HPSE2: variants seen among roughly 807,000 people sequenced by gnomAD.
HPSE2 encodes inactive heparanase-2.
Under a neutral mutation model 60.5 loss-of-function variants are expected in HPSE2, and 38 were observed. That is an observed-to-expected ratio of 0.63 (90% CI 0.48 to 0.82). The LOEUF (loss-of-function observed/expected upper bound fraction) is 0.82. Among genes scored for constraint, HPSE2 ranks in the 40% least tolerant of loss-of-function variants. HPSE2 has a pLI of 0.00. For synonymous variants in HPSE2, 295 were observed against 293.2 expected, an observed-to-expected ratio of 1.01 and a Z score of -0.06; for missense variants, 713 against 740.4, an observed-to-expected ratio of 0.96 and a Z score of 0.43.
At chr10:99,014,556 T>C (rs1957092045) in intron 3 of HPSE2, among the ~76,000 whole-genome samples, 1 of 152,156 alleles carries the variant, frequency 6.6e-6, no homozygotes, top group African/African-American at 2.4e-5. Context: ...GGTTGAACTA[T>C]TTACACCCCC....
intron 6 of HPSE2, among the ~76,000 whole-genome samples, chr10:98,663,633 G>A (rs1358783259): frequency 6.6e-6 from 1 of 152,174 alleles, no homozygotes; most frequent in East Asian, 1.9e-4. Flanking sequence ...GAAAGAATGA[G>A]AACGTAACAA....
At chr10:98,768,699 T>C (rs980459233) in intron 3 of HPSE2, among the ~76,000 whole-genome samples, 8 of 152,200 alleles carry the variant, frequency 5.3e-5, no homozygotes, top group Admixed American at 4.6e-4. Context: ...TCTGTTCCCT[T>C]GGACAAATCA....
At position 99,232,414 on chromosome 10, in the gene HPSE2, G is replaced by C; in HGVS notation, c.382C>G (p.Leu128Val). Reference sequence around the variant, plus strand: ...CCGCGGCTTTTCGCCGGGTTCCTCAGGTTCTGGAACTGCAGGAAGTCGGTC... The same window carrying C: ...CCGCGGCTTTTCGCCGGGTTCCTCACGTTCTGGAACTGCAGGAAGTCGGTC... ...KRTDFLQFQNLRNPAKSRGGP... is the reference protein window; with the variant it reads ...KRTDFLQFQNVRNPAKSRGGP... The change falls in exon 2 of 12, where the codon CTG becomes GTG. Residue 128 changes from leucine to valine, a missense_variant. Physicochemically the swap from Leu to Val is conservative, Grantham distance 32 (BLOSUM62 1). Transcript: ENST00000370552. 1 of 1,553,202 alleles carries C rather than the reference G, an allele frequency of 6.4e-7. No homozygotes were observed. The highest frequency in any genetic ancestry group is 8.7e-7 in the Non-Finnish European group (1 of 1,147,874).
At chr10:99,087,586 C>T (rs1843365719) in intron 3 of HPSE2, among the ~76,000 whole-genome samples, 1 of 152,130 alleles carries the variant, frequency 6.6e-6, no homozygotes, top group Admixed American at 6.6e-5. Context: ...ATGAAGGCTG[C>T]GATCAAGTGA....
rs138172193 is a variant in HPSE2, at chr10:98,835,876, T to C, written c.611-91820A>G. Among the ~76,000 whole-genome samples, 459 of 152,282 alleles carry C rather than the reference T, an allele frequency of 3.0e-3. 2 individuals carry two copies. The highest frequency in any genetic ancestry group is 9.8e-3 in the African/African-American group (406 of 41,564). On this transcript the variant is annotated intron_variant, in intron 3 of 11. Coordinates refer to ENST00000370552, the MANE Select transcript of HPSE2 (RefSeq NM_021828.5). ...TAAAATTTATGGGAGGCCATTGTTT[T>C]GGACTGAGCTCCTGCACTAGACCCC...
chr10:98,859,778 CAT>C (rs1362655372), intron 3 of HPSE2, among the ~76,000 whole-genome samples: 2 of 152,168 alleles, frequency 1.3e-5, no homozygotes, highest in Non-Finnish European at 2.9e-5. Context: ...TCCATAATCA[CAT>C]GAGTCAATTC....
chr10:99,200,998 G>A (rs1431519316), intron 2 of HPSE2, among the ~76,000 whole-genome samples: 3 of 152,192 alleles, frequency 2.0e-5, no homozygotes, highest in South Asian at 4.1e-4. Context: ...CAGGCAAAAA[G>A]AATAAATAGG....
At chr10:98,576,690 CCAGCA>C in intron 9 of HPSE2, among the ~76,000 whole-genome samples, 1 of 152,072 alleles carries the variant, frequency 6.6e-6, no homozygotes, top group East Asian at 1.9e-4. Flanking sequence ...CTAAACTTCT[CCAGCA>C]CACCCTTTGC....
chr10:99,153,045 G>A (rs190295656), intron 2 of HPSE2, among the ~76,000 whole-genome samples: 5 of 152,328 alleles, frequency 3.3e-5, no homozygotes, highest in African/African-American at 4.8e-5. Flanking sequence ...ATTTCGGACC[G>A]GCTTAAAAAA....
chr10:98,771,111 G>C (rs995670764), intron 3 of HPSE2, among the ~76,000 whole-genome samples: 1 of 152,102 alleles, frequency 6.6e-6, no homozygotes, highest in African/African-American at 2.4e-5. Flanking sequence ...GAGTTAACAA[G>C]TAACTAATGG....
In HPSE2 at chr10:98,696,540, C is replaced by T. The variant is rs540826516; in HGVS notation, c.957-2593G>A. ...GGGAAAATGTGCTTTTTCCATGGAA[C>T]TGTGTAAACCCATGGATTGGAAGAT... On this transcript the variant is annotated intron_variant, in intron 5 of 11. Coordinates refer to ENST00000370552, the MANE Select transcript of HPSE2 (RefSeq NM_021828.5). Among the ~76,000 whole-genome samples the T allele has an allele frequency of 7.2e-5, 11 of 152,252 alleles. No individual in the cohort carries two copies. The East Asian group carries it at 1.5e-3, about 21-fold the overall frequency.
Position 98,743,473 on chromosome 10 carries a change from C to CAA in HPSE2, c.784+408_784+409dup, listed in dbSNP as rs1031475324. 5.6e-4 allele frequency among the ~76,000 whole-genome samples: 85 copies of CAA among 152,326 alleles called. 1 individual carries two copies. The highest frequency in any genetic ancestry group is 2.4e-4 in the Non-Finnish European group (16 of 68,030). On this transcript the variant is annotated intron_variant, in intron 4 of 11. Coordinates refer to ENST00000370552, the MANE Select transcript of HPSE2 (RefSeq NM_021828.5). ...GGTTCACATACTGTATAAAGGTCCT[C>CAA]AAATATATTTGACCAAAGCTCTTTT...
chr10:99,033,359 A>G (rs1036500793), intron 3 of HPSE2, among the ~76,000 whole-genome samples: 4 of 152,214 alleles, frequency 2.6e-5, no homozygotes, highest in Non-Finnish European at 5.9e-5. Flanking sequence ...CAAAGTATGA[A>G]TAGACACTTT....
At chr10:98,977,868 T>C (rs1956120428) in intron 3 of HPSE2, among the ~76,000 whole-genome samples, 1 of 151,606 alleles carries the variant, frequency 6.6e-6, no homozygotes, top group African/African-American at 2.4e-5. Flanking sequence ...TCTTACAACC[T>C]AAAAATTATT....
At chr10:98,920,803 C>T (rs926828909) in intron 3 of HPSE2, among the ~76,000 whole-genome samples, 1 of 152,176 alleles carries the variant, frequency 6.6e-6, no homozygotes, top group African/African-American at 2.4e-5. Flanking sequence ...CTTAAATAAT[C>T]ATAGTCTGCT....
intron 9 of HPSE2, among the ~76,000 whole-genome samples, chr10:98,507,698 CCA>C (rs1942249160): frequency 6.6e-6 from 1 of 152,032 alleles, no homozygotes; most frequent in African/African-American, 2.4e-5. Flanking sequence ...CTTATGTAAT[CCA>C]GCTCTCAGCA....
At chr10:98,510,888 T>C (rs963115251) in intron 9 of HPSE2, among the ~76,000 whole-genome samples, 1 of 152,234 alleles carries the variant, frequency 6.6e-6, no homozygotes, top group Non-Finnish European at 1.5e-5. Flanking sequence ...TGTAGTACTT[T>C]GGGAATTCAG....
At chr10:98,702,512 T>C (rs955524889) in intron 5 of HPSE2, among the ~76,000 whole-genome samples, 10 of 152,158 alleles carry the variant, frequency 6.6e-5, no homozygotes, top group Non-Finnish European at 1.2e-4. Context: ...ATGGCACTTA[T>C]TCTAAAATCA....
the HPSE2 span, among the ~76,000 whole-genome samples, chr10:99,245,170 G>A: frequency 1.3e-5 from 2 of 152,170 alleles, no homozygotes; most frequent in Non-Finnish European, 2.9e-5. Flanking sequence ...CCCCTTTCAA[G>A]TAGAAATGAA....
Sources: gnomAD v4.1 joint callset for allele counts (sites outside exome capture counted in the v4.1 genomes callset) on GRCh38, gnomAD v4.1.1 for gene constraint, MANE v1.5 for transcripts, NCBI Gene and HGNC (gene_info 2026-07-23, HGNC 2026-07-21) for gene names.